The following TERF1 variants were observed in gnomAD, a reference collection of about 807,000 sequenced individuals.
TERF1 encodes telomeric repeat-binding factor 1.
In TERF1, 20 loss-of-function variants were observed where a neutral mutation model predicts 55.1. That is an observed-to-expected ratio of 0.36 (90% confidence interval 0.26 to 0.53). The LOEUF (loss-of-function observed/expected upper bound fraction) is 0.53, where lower values mean the gene tolerates loss of function less well. Ranked by LOEUF, TERF1 falls within the 20% of genes least tolerant of loss-of-function variation. TERF1 has a pLI of 0.91. For synonymous variants in TERF1, 168 were observed against 181.2 expected (o/e 0.93, Z 0.59); for missense variants, 439 against 535.7 (o/e 0.82, Z 1.78).
At chr8:73,022,401 T>C in intron 4 of TERF1, 99 bp downstream of exon 4, 1 of 693,206 alleles carries the variant, frequency 1.4e-6, no homozygotes, top group South Asian at 2.0e-5. Context: ...CTTTATCTTT[T>C]AAACAGTATA....
chr8:73,018,537 G>C (rs536976624), intron 2 of TERF1, among the ~76,000 whole-genome samples: 1 of 152,084 alleles, frequency 6.6e-6, no homozygotes, highest in Non-Finnish European at 1.5e-5. Flanking sequence ...TTAGCCTGGC[G>C]TGGTGGTGGG....
chr8:73,034,536 G>T (rs1408418923), intron 8 of TERF1, among the ~76,000 whole-genome samples: 1 of 152,136 alleles, frequency 6.6e-6, no homozygotes, highest in African/African-American at 2.4e-5. Context: ...GAGATTACAG[G>T]CATGAGCCAC....
chr8:73,045,354 G>A (rs551562352), intron 9 of TERF1, among the ~76,000 whole-genome samples: 49 of 145,664 alleles, frequency 3.4e-4, no homozygotes, highest in Non-Finnish European at 6.5e-4. Context: ...GGAATAATTA[G>A]TTAGTTGCCT....
At chr8:73,025,809 C>T (rs1808961233) in intron 5 of TERF1, among the ~76,000 whole-genome samples, 2 of 150,446 alleles carry the variant, frequency 1.3e-5, no homozygotes, top group East Asian at 3.9e-4. Flanking sequence ...CACCTGTAGT[C>T]CCAGCTACTT....
At chr8:73,039,815 G>GTGTGTGTGTT (rs1315550576) in intron 9 of TERF1, among the ~76,000 whole-genome samples, 4 of 139,612 alleles carry the variant, frequency 2.9e-5, no homozygotes, top group African/African-American at 1.1e-4. Context: ...GTGTGTGTGT[G>GTGTGTGTGTT]TTTCCCCCTT....
chr8:73,012,414 A>C (rs909354979), intron 1 of TERF1: 1 of 152,896 alleles, frequency 6.5e-6, no homozygotes, highest in Non-Finnish European at 1.5e-5. Context: ...TCATGCCTGT[A>C]ATCCCAGCAC....
At chr8:73,044,005 G>A (rs1809935246) in intron 9 of TERF1, among the ~76,000 whole-genome samples, 1 of 152,164 alleles carries the variant, frequency 6.6e-6, no homozygotes, top group Non-Finnish European at 1.5e-5. Context: ...ACTTTTCTGT[G>A]GAGTACGTCT....
intron 1 of TERF1, 130 bp downstream of exon 1, chr8:73,009,335 G>A (rs1361275003): frequency 3.1e-5 from 26 of 836,130 alleles, no homozygotes; most frequent in African/African-American, 1.7e-5. Flanking sequence ...GGGAGTCCGA[G>A]GCTCCGGGCT....
Position 73,027,351 on chromosome 8 carries a change from A to G in TERF1, c.887+299A>G, listed in dbSNP as rs557186324. 2.6e-5 allele frequency among the ~76,000 whole-genome samples: 4 copies of G among 152,304 alleles called. No individual in the cohort carries two copies. In the South Asian group the frequency reaches 8.3e-4, roughly 32 times the overall value. On this transcript the variant is annotated intron_variant, in intron 6 of 9. Coordinates refer to ENST00000276603, the MANE Select transcript of TERF1 (RefSeq NM_017489.3). ...ACTCCTGTGCCCCTTAGTTGTGTTT[A>G]GATTCTACATGTTCTCATTATGTGA... is the stretch of plus-strand genomic sequence containing the variant.
rs890227165 is a variant in TERF1 at position 73,046,513 on chromosome 8, T to TA, written c.*378dup. 1 of 152,808 alleles carries TA rather than the reference T, an allele frequency of 6.5e-6. No individual in the cohort carries two copies. The highest frequency in any genetic ancestry group is 1.5e-5 in the Non-Finnish European group (1 of 68,612). The allele number at this position is 152,808 out of a possible 1,614,324, so 9.5% of individuals were successfully genotyped here. On this transcript the variant is annotated 3_prime_UTR_variant, in exon 10 of 10. Transcript: ENST00000276603. ...CCATTAAAATGAATTTCTTTTTTTTTAAGACAGAGTTTCTCTCTGTTGCCC... is the reference window on the plus strand; with the variant it reads ...CCATTAAAATGAATTTCTTTTTTTTTAAAGACAGAGTTTCTCTCTGTTGCCC...
chr8:73,028,632 G>C (rs947092723), intron 6 of TERF1, among the ~76,000 whole-genome samples: 3 of 113,924 alleles, frequency 2.6e-5, no homozygotes, highest in Admixed American at 1.2e-4. Flanking sequence ...ACTCCTCCCT[G>C]TCCACATACA....
intron 9 of TERF1, among the ~76,000 whole-genome samples, chr8:73,040,406 G>A (rs6985738): frequency 1.9e-3 from 293 of 152,208 alleles, no homozygotes; most frequent in African/African-American, 6.4e-3. Flanking sequence ...TATGGTTCAG[G>A]TTGTAAATTT....
At chr8:73,032,546 T>C (rs1435808722) in intron 8 of TERF1, among the ~76,000 whole-genome samples, 1 of 151,936 alleles carries the variant, frequency 6.6e-6, no homozygotes, top group African/African-American at 2.4e-5. Context: ...TAATTAGCAA[T>C]GGTACTGGGA....
rs201882345 is a variant in TERF1 at position 73,022,295 on chromosome 8, C to A, written c.617C>A (p.Ser206Tyr). Reference sequence around the variant, plus strand: ...GAAAGAATATTTGGTGATCCAAATTCTCATATGGTAATTATTTAAATTAAA... The same window carrying A: ...GAAAGAATATTTGGTGATCCAAATTATCATATGGTAATTATTTAAATTAAA... ...VFERIFGDPNSHMPFKSKLLM... is the reference protein window; with the variant it reads ...VFERIFGDPNYHMPFKSKLLM... Residue 206 changes from serine to tyrosine, a missense_variant, in exon 4 of 10, where the codon TCT (serine) becomes TAT (tyrosine). By Grantham distance (144) the Ser-to-Tyr change is moderately radical (BLOSUM62 -2). This residue lies in a region of TERF1 where 95 missense variants were observed against 167.2 expected (regional missense o/e 0.57). Coordinates refer to ENST00000276603, the MANE Select transcript of TERF1 (RefSeq NM_017489.3). The A allele has an allele frequency of 1.8e-4, 278 of 1,557,822 alleles. No individual in the cohort carries two copies. Among genetic ancestry groups the A allele is most frequent in the Non-Finnish European group, 2.2e-4 (250 of 1,149,026 alleles).
At chr8:73,021,016 A>G (rs1808727600) in intron 3 of TERF1, among the ~76,000 whole-genome samples, 1 of 152,122 alleles carries the variant, frequency 6.6e-6, no homozygotes, top group African/African-American at 2.4e-5. Context: ...TATGTTGTGG[A>G]AAATTTAAAA....
At chr8:73,027,204 T>C in intron 6 of TERF1, 152 bp downstream of exon 6, 1 of 621,902 alleles carries the variant, frequency 1.6e-6, no homozygotes, top group East Asian at 2.9e-5. Context: ...TGTAGAGTTA[T>C]TTCATGACTT....
intron 9 of TERF1, chr8:73,043,248 A>G (rs1241491752): frequency 6.6e-6 from 1 of 152,212 alleles, no homozygotes; most frequent in African/African-American, 2.4e-5. Flanking sequence ...TCTTTCAGTC[A>G]CAGGTAAAAT....
intron 3 of TERF1, 87 bp downstream of exon 3, chr8:73,020,892 G>GT: frequency 1.2e-6 from 1 of 866,196 alleles, no homozygotes; most frequent in Non-Finnish European, 1.7e-6. Context: ...AAGTTGAGCA[G>GT]TAGTAAAATT....
At chr8:73,019,932 C>G (rs991386846) in intron 2 of TERF1, among the ~76,000 whole-genome samples, 6 of 151,284 alleles carry the variant, frequency 4.0e-5, no homozygotes, top group African/African-American at 4.9e-5. Context: ...TACTCTGAAA[C>G]TATATTGTTT....
Sources: allele counts gnomAD v4.1 joint callset (sites outside exome capture counted in the v4.1 genomes callset), GRCh38; gene constraint gnomAD v4.1.1; regional missense constraint gnomAD v4.1.1; transcripts MANE v1.5; gene names NCBI Gene and HGNC (gene_info 2026-07-23, HGNC 2026-07-21).